Variants in IGSF23 observed in about 807,000 individuals in gnomAD.
IGSF23 encodes the protein immunoglobulin superfamily, member 23.
A neutral mutation model predicts 17.8 loss-of-function variants in IGSF23; 14 were observed. The observed-to-expected ratio is 0.79, with a 90% CI of 0.52 to 1.23. IGSF23 has a LOEUF of 1.23. IGSF23 is among the 50% of genes most tolerant of loss of function. The probability of loss-of-function intolerance (pLI) is 0.00; values close to 1 mark genes in which losing one functional copy is unlikely to be tolerated. For synonymous variants in IGSF23, 85 were observed against 92.5 expected (o/e 0.92, Z 0.46); for missense variants, 214 against 241.7 (o/e 0.89, Z 0.76).
At chr19:44,624,075 G>C (rs2123720562) in intron 2 of IGSF23, 103 bp downstream of exon 2, 1 of 1,042,528 alleles carries the variant, frequency 9.6e-7, no homozygotes, top group East Asian at 2.6e-5. Context: ...ACTATGAGCA[G>C]TCCCCTGTGA....
chr19:44,620,374 TGTGTGTGTGTGA>T lies in IGSF23; in HGVS notation c.126-3331_126-3320del, dbSNP rs1309714790. ...GTGTGTGTGTGTGTGTGTGTGTGTG[TGTGTGTGTGTGA>T]GATGGAGCCTCGCTCTGTCGCCCAG... On this transcript the variant is annotated intron_variant, in intron 1 of 4. Coordinates refer to ENST00000402988, the MANE Select transcript of IGSF23 (RefSeq NM_001205280.2). Among the ~76,000 whole-genome samples, 80 of 139,290 alleles carry T rather than the reference TGTGTGTGTGTGA, an allele frequency of 5.7e-4. 1 individual carries two copies. In the East Asian group the frequency reaches 0.02, roughly 34 times the overall value. 91.4% of individuals were successfully genotyped at this position (139,290 alleles called of 152,430 possible).
intron 1 of IGSF23, chr19:44,618,143 C>G: frequency 2.1e-6 from 1 of 471,132 alleles, no homozygotes; most frequent in Non-Finnish European, 4.4e-6. Flanking sequence ...AGCTGAACAC[C>G]TTGACCGAAG....
intron 3 of IGSF23, among the ~76,000 whole-genome samples, chr19:44,627,952 T>TC (rs1481534118): frequency 6.3e-4 from 95 of 151,482 alleles, no homozygotes; most frequent in Admixed American, 9.9e-4. Context: ...TTTTTCTTTT[T>TC]TTTTTTTTTT....
chr19:44,621,835 TCA>T (rs2123718565), intron 1 of IGSF23, among the ~76,000 whole-genome samples: 1 of 152,290 alleles, frequency 6.6e-6, no homozygotes, highest in African/African-American at 2.4e-5. Context: ...TGAATGTTGA[TCA>T]CAGTCTACTA....
chr19:44,630,818 A>G (rs1392287100), intron 3 of IGSF23, among the ~76,000 whole-genome samples: 1 of 152,232 alleles, frequency 6.6e-6, no homozygotes, highest in East Asian at 1.9e-4. Flanking sequence ...TACCATGCCC[A>G]CCAAGGGCCA....
intron 3 of IGSF23, among the ~76,000 whole-genome samples, chr19:44,633,981 A>G (rs994892490): frequency 3.9e-5 from 6 of 152,186 alleles, no homozygotes; most frequent in African/African-American, 1.2e-4. Context: ...ATGTGTTTGT[A>G]CCCCTTTTAA....
chr19:44,613,567 C>G lies in IGSF23; in HGVS notation c.-79C>G. 6.9e-7 allele frequency: 1 copy of G among 1,459,110 alleles called. No homozygotes were observed. Among genetic ancestry groups the G allele is most frequent in the Non-Finnish European group, 9.1e-7 (1 of 1,095,426 alleles). 90.4% of individuals were successfully genotyped at this position (1,459,110 alleles called of 1,614,324 possible). A position where few individuals can be genotyped will look rare whatever the true frequency, so the allele number is the denominator to read the frequency against. On this transcript the variant is annotated 5_prime_UTR_variant, in exon 1 of 5. Coordinates refer to ENST00000402988, the MANE Select transcript of IGSF23 (RefSeq NM_001205280.2). Reference sequence around the variant, plus strand: ...CTACCAGGTTGACCTTTGGCCATTCCTTGCCTTTGATGTGAGTGATAGGAG... The same window carrying G: ...CTACCAGGTTGACCTTTGGCCATTCGTTGCCTTTGATGTGAGTGATAGGAG...
At position 44,633,199 on chromosome 19, in the gene IGSF23, C is replaced by T. The variant is rs148850494; in HGVS notation, c.546-2202C>T. ...AAGAAACAGTCTTTTAAATCTATGACTATTAAAGGCCAGTTTTAAGTCCTC... is the reference window on the plus strand; with the variant it reads ...AAGAAACAGTCTTTTAAATCTATGATTATTAAAGGCCAGTTTTAAGTCCTC... On this transcript the variant is annotated intron_variant, in intron 3 of 4. Transcript: ENST00000402988. Among the ~76,000 whole-genome samples, 14 of 152,340 alleles carry T rather than the reference C, an allele frequency of 9.2e-5. No homozygotes were observed. In the East Asian group the frequency reaches 2.5e-3, roughly 27 times the overall value.
chr19:44,613,636 C>T lies in IGSF23; in HGVS notation c.-10C>T, dbSNP rs1002658159. ...CCTCCATCTCCCGGCGGGGATTGTA[C>T]GGTGAGAGAATGAGAGCAAAACCTC... On this transcript the variant is annotated 5_prime_UTR_variant, in exon 1 of 5. In the 5' UTR this introduces an upstream ATG that the reference lacks. Coordinates refer to ENST00000402988, the MANE Select transcript of IGSF23 (RefSeq NM_001205280.2). 2.6e-5 allele frequency: 40 copies of T among 1,541,792 alleles called. No individual in the cohort carries two copies. Among genetic ancestry groups the T allele is most frequent in the South Asian group, 1.2e-4 (10 of 83,284 alleles).
chr19:44,616,570 G>A (rs908081890), intron 1 of IGSF23, among the ~76,000 whole-genome samples: 3 of 151,648 alleles, frequency 2.0e-5, no homozygotes, highest in African/African-American at 4.8e-5. Context: ...GGTGGCGCAC[G>A]CCTGTAGTCC....
At chr19:44,628,197 C>T (rs1972697992) in intron 3 of IGSF23, among the ~76,000 whole-genome samples, 3 of 152,158 alleles carry the variant, frequency 2.0e-5, no homozygotes, top group East Asian at 3.9e-4. Flanking sequence ...CCTACCTCAG[C>T]TTCCCAAAGT....
intron 3 of IGSF23, among the ~76,000 whole-genome samples, chr19:44,633,141 C>T (rs1008617628): frequency 2.6e-5 from 4 of 152,164 alleles, no homozygotes; most frequent in African/African-American, 9.7e-5. Context: ...AAATGCAAAC[C>T]GTTCACAGTC....
intron 3 of IGSF23, among the ~76,000 whole-genome samples, chr19:44,634,246 G>A (rs1488509371): frequency 6.6e-6 from 1 of 152,210 alleles, no homozygotes; most frequent in Non-Finnish European, 1.5e-5. Flanking sequence ...CTGAAATCAG[G>A]TTCCCTTCTT....
chr19:44,615,629 A>G (rs951102629), intron 1 of IGSF23, among the ~76,000 whole-genome samples: 1 of 150,986 alleles, frequency 6.6e-6, no homozygotes, highest in African/African-American at 2.4e-5. Flanking sequence ...ATCTTTAAAA[A>G]AAAAAAAAAA....
rs1326190325 is a variant in IGSF23, at chr19:44,627,522, G to A, written c.494G>A (p.Gly165Glu). 6.4e-7 allele frequency: 1 copy of A among 1,550,398 alleles called. No individual in the cohort carries two copies. Among genetic ancestry groups the A allele is most frequent in the African/African-American group, 1.4e-5 (1 of 73,022 alleles). Residue 165 changes from glycine to glutamate, a missense_variant, in exon 3 of 5, where the codon GGA becomes GAA. Physicochemically the swap from Gly to Glu is moderately conservative, Grantham distance 98 (BLOSUM62 -2). Transcript: ENST00000402988. ...AIGLLAAGIL[G>E]AGALIAGMCF... is the part of the protein sequence containing the mutation. The stretch of plus-strand genomic sequence containing the variant: ...GGGCTCCTTGCGGCTGGGATCCTGG[G>A]AGCCGGGGCACTGATTGCAGGCATG...
chr19:44,627,334 C>A (rs1972672970), intron 2 of IGSF23, 86 bp from the exon 3 acceptor site: 2 of 1,332,296 alleles, frequency 1.5e-6, no homozygotes, highest in Non-Finnish European at 2.0e-6. Flanking sequence ...TGAAGAGACA[C>A]TTGGGAGGGG....
chr19:44,622,802 C>G (rs1000891552), intron 1 of IGSF23, among the ~76,000 whole-genome samples: 2 of 152,144 alleles, frequency 1.3e-5, no homozygotes, highest in African/African-American at 4.8e-5. Context: ...TTGGCTCACA[C>G]CCATCTCAGG....
Position 44,613,777 on chromosome 19 carries a change from C to A in IGSF23, c.125+7C>A, listed in dbSNP as rs1481991520. On this transcript the variant is annotated splice_region_variant and intron_variant, in intron 1 of 4. Transcript: ENST00000402988. ...ACTTCCCAGCCAACTTGGTGTAAGT[C>A]ATGTGGGGAAGTGGCCAGGGTAGGG... The A allele has an allele frequency of 5.2e-6, 8 of 1,550,188 alleles. No homozygotes were observed. Among genetic ancestry groups the A allele is most frequent in the Non-Finnish European group, 6.1e-6 (7 of 1,146,820 alleles).
At chr19:44,615,679 C>G (rs1043816990) in intron 1 of IGSF23, among the ~76,000 whole-genome samples, 14 of 151,208 alleles carry the variant, frequency 9.3e-5, no homozygotes, top group Non-Finnish European at 1.5e-4. Flanking sequence ...CAAAGTCCAC[C>G]TAGTTCAAAG....
Sources: allele counts gnomAD v4.1 joint callset (sites outside exome capture counted in the v4.1 genomes callset), GRCh38; gene constraint gnomAD v4.1.1; transcripts MANE v1.5; gene names NCBI Gene and HGNC (gene_info 2026-07-23, HGNC 2026-07-21).